Variants in NCOA3 observed in about 807,000 individuals in gnomAD.
NCOA3 encodes the protein CBP-interacting protein.
A neutral mutation model predicts 158.8 loss-of-function variants in NCOA3; 51 were observed. The ratio of observed to expected loss-of-function variants is 0.32; its 90% CI spans 0.26 to 0.41. The LOEUF (loss-of-function observed/expected upper bound fraction) is 0.41, where lower values mean the gene tolerates loss of function less well. Ranked by LOEUF, NCOA3 falls within the 10% of genes least tolerant of loss-of-function variation. The pLI is 1.00. For synonymous variants in NCOA3, 537 were observed against 592.4 expected (o/e 0.91, Z 1.36); for missense variants, 1,510 against 1,746.6 (o/e 0.86, Z 2.41).
chr20:47,647,290 C>T lies in NCOA3; in HGVS notation c.3470C>T (p.Ala1157Val), dbSNP rs1228173832. The T allele has an allele frequency of 1.9e-6, 3 of 1,614,066 alleles. No individual in the cohort carries two copies. The highest frequency in any genetic ancestry group is 2.5e-6 in the Non-Finnish European group (3 of 1,180,040). The stretch of plus-strand genomic sequence containing the variant: ...CCTCTCCAAGGAATGCACCCACGAG[C>T]CAACATCATGAGACCCCGGACAAAC... ...NFPLQGMHPR[A>V]NIMRPRTNTP... is the part of the protein sequence containing the mutation. Residue 1157 changes from alanine to valine, a missense_variant, in exon 18 of 23, where the codon GCC (alanine) becomes GTC (valine). Physicochemically the swap from Ala to Val is moderately conservative, Grantham distance 64 (BLOSUM62 0). Around this residue, in one of 4 missense-constraint regions of NCOA3, gnomAD observed 1,017 missense variants for 1,098.3 expected, o/e 0.93. Coordinates refer to ENST00000371998, the MANE Select transcript of NCOA3 (RefSeq NM_181659.3).
intron 20 of NCOA3, among the ~76,000 whole-genome samples, chr20:47,651,497 C>T (rs1702540046): frequency 6.6e-6 from 1 of 152,090 alleles, no homozygotes. Flanking sequence ...TTTTCAGTCC[C>T]ACTCATTAAG....
chr20:47,579,294 T>C (rs1319079290), intron 1 of NCOA3, among the ~76,000 whole-genome samples: 1 of 152,238 alleles, frequency 6.6e-6, no homozygotes, highest in Non-Finnish European at 1.5e-5. Flanking sequence ...TTTGGTAATG[T>C]AGATGTCATC....
chr20:47,563,718 C>T (rs931278722), intron 1 of NCOA3, among the ~76,000 whole-genome samples: 8 of 151,602 alleles, frequency 5.3e-5, no homozygotes, highest in Non-Finnish European at 1.0e-4. Flanking sequence ...GAAATGCCAT[C>T]TCTACTAAAA....
At chr20:47,624,400 G>T (rs2086289283) in intron 4 of NCOA3, among the ~76,000 whole-genome samples, 1 of 152,172 alleles carries the variant, frequency 6.6e-6, no homozygotes, top group Non-Finnish European at 1.5e-5. Context: ...GAATCATAAG[G>T]AGCACACAAC....
intron 2 of NCOA3, among the ~76,000 whole-genome samples, chr20:47,600,184 AT>A (rs1002131516): frequency 3.9e-4 from 49 of 124,246 alleles, no homozygotes; most frequent in African/African-American, 1.5e-3. Flanking sequence ...TTTTATTTTT[AT>A]TTTTTTTGAG....
rs1383691008 is a variant in NCOA3 at position 47,636,353 on chromosome 20, C to T, written c.1967C>T (p.Pro656Leu). ...CKESSVSVTS[P>L]SGVSSSTSGG... is the part of the protein sequence containing the mutation. ...GAATCTTCTGTTAGTGTCACCAGCC[C>T]CTCTGGAGTCTCCTCCTCTACATCT... The change falls in exon 12 of 23, where the codon CCC becomes CTC. Residue 656 changes from proline to leucine, a missense_variant. Pro to Leu is a moderately conservative substitution (Grantham distance 98). Transcript: ENST00000371998. The T allele has an allele frequency of 6.2e-7, 1 of 1,614,004 alleles. No individual in the cohort carries two copies. Among genetic ancestry groups the T allele is most frequent in the African/African-American group, 1.3e-5 (1 of 74,884 alleles).
At chr20:47,510,834 T>C (rs932250580) in intron 1 of NCOA3, among the ~76,000 whole-genome samples, 7 of 152,080 alleles carry the variant, frequency 4.6e-5, no homozygotes, top group African/African-American at 1.7e-4. Flanking sequence ...CCTTCTGCCT[T>C]GGTCTCCCAA....
At chr20:47,583,942 T>C (rs1602437949) in intron 2 of NCOA3, among the ~76,000 whole-genome samples, 1 of 152,012 alleles carries the variant, frequency 6.6e-6, no homozygotes, top group East Asian at 1.9e-4. Flanking sequence ...GGCAACAGAA[T>C]GAAACCCTGT....
intron 2 of NCOA3, among the ~76,000 whole-genome samples, chr20:47,601,801 A>C (rs2085868617): frequency 6.6e-6 from 1 of 152,260 alleles, no homozygotes; most frequent in African/African-American, 2.4e-5. Flanking sequence ...CATTACATGC[A>C]GCTGGTGGGT....
intron 1 of NCOA3, among the ~76,000 whole-genome samples, chr20:47,502,585 G>T (rs2083954096): frequency 6.6e-6 from 1 of 151,934 alleles, no homozygotes; most frequent in Non-Finnish European, 1.5e-5. Flanking sequence ...GTTGGGCTCG[G>T]GTAGCTTCTT....
chr20:47,538,890 A>G (rs149831298), intron 1 of NCOA3, among the ~76,000 whole-genome samples: 1 of 152,362 alleles, frequency 6.6e-6, no homozygotes, highest in African/African-American at 2.4e-5. Flanking sequence ...TAGTTTTCAG[A>G]AACTGGAGAA....
chr20:47,569,925 G>A (rs1476605351), intron 1 of NCOA3, among the ~76,000 whole-genome samples: 5 of 151,942 alleles, frequency 3.3e-5, no homozygotes, highest in Non-Finnish European at 5.9e-5. Flanking sequence ...CAGGAGAATG[G>A]CACGAACCCG....
intron 1 of NCOA3, among the ~76,000 whole-genome samples, chr20:47,572,680 G>A (rs896466788): frequency 1.3e-5 from 2 of 152,032 alleles, no homozygotes; most frequent in Non-Finnish European, 2.9e-5. Context: ...GGGATTGTAG[G>A]TGTGCGCCAC....
At chr20:47,598,181 A>G (rs1043450166) in intron 2 of NCOA3, among the ~76,000 whole-genome samples, 184 of 137,476 alleles carry the variant, frequency 1.3e-3, no homozygotes, top group African/African-American at 4.9e-3. Flanking sequence ...TGGGAGGCGG[A>G]GCTTGCAGTG....
Position 47,655,000 on chromosome 20 carries a change from T to C in NCOA3, c.*1583T>C, listed in dbSNP as rs1469911239. The stretch of plus-strand genomic sequence containing the variant: ...AATCCTTGGTGTGGTTTCTGGTGTC[T>C]GCTCAGCTGTCCCCTCATTCTACTA... On this transcript the variant is annotated 3_prime_UTR_variant, in exon 23 of 23. Transcript: ENST00000371998. The C allele has an allele frequency of 6.6e-6, 1 of 152,224 alleles. No individual in the cohort carries two copies. The highest frequency in any genetic ancestry group is 1.5e-5 in the Non-Finnish European group (1 of 68,040). 9.4% of individuals were successfully genotyped at this position (152,224 alleles called of 1,614,324 possible).
chr20:47,611,089 T>A (rs752758230), intron 2 of NCOA3, among the ~76,000 whole-genome samples: 1 of 152,194 alleles, frequency 6.6e-6, no homozygotes, highest in Non-Finnish European at 1.5e-5. Context: ...GTGGCTAATG[T>A]TGTCATCTCT....
At chr20:47,583,692 A>G (rs1030328475) in intron 2 of NCOA3, among the ~76,000 whole-genome samples, 7 of 152,258 alleles carry the variant, frequency 4.6e-5, no homozygotes, top group African/African-American at 1.7e-4. Context: ...GCAGTGACTC[A>G]TGTTTATAAT....
At chr20:47,647,864 T>C (rs2086713667) in intron 18 of NCOA3, among the ~76,000 whole-genome samples, 2 of 151,594 alleles carry the variant, frequency 1.3e-5, no homozygotes, top group Non-Finnish European at 2.9e-5. Context: ...CTTCAAACCA[T>C]ATAAGTAGAT....
intron 17 of NCOA3, among the ~76,000 whole-genome samples, 198 bp from the exon 18 acceptor site, chr20:47,646,875 T>C (rs973186174): frequency 6.6e-6 from 1 of 152,154 alleles, no homozygotes; most frequent in Non-Finnish European, 1.5e-5. Context: ...ATATCAACTT[T>C]TACTTCTTTT....
Sources: gnomAD v4.1 joint callset for allele counts (sites outside exome capture counted in the v4.1 genomes callset) on GRCh38, gnomAD v4.1.1 for gene constraint, gnomAD v4.1.1 regional missense constraint, MANE v1.5 for transcripts, NCBI Gene and HGNC (gene_info 2026-07-23, HGNC 2026-07-21) for gene names.